The following SMAD1 variants were observed in gnomAD, a reference collection of about 807,000 sequenced individuals.
SMAD1 encodes the protein SMAD family member 1.
SMAD1 carries 6 observed loss-of-function variants against 41.6 expected under a neutral mutation model. The ratio of observed to expected loss-of-function variants is 0.14; its 90% CI spans 0.08 to 0.28. The LOEUF is 0.28. Ranked by LOEUF, SMAD1 falls within the 10% of genes least tolerant of loss-of-function variation. The pLI, the probability that SMAD1 is intolerant of heterozygous loss-of-function variation, is 1.00. For synonymous variants in SMAD1, 206 were observed against 203.2 expected (o/e 1.01, Z -0.12); for missense variants, 379 against 582.6 (o/e 0.65, Z 3.60).
intron 1 of SMAD1, among the ~76,000 whole-genome samples, chr4:145,501,162 T>C (rs1729413735): frequency 6.6e-6 from 1 of 152,250 alleles, no homozygotes; most frequent in Admixed American, 6.5e-5. Context: ...TTTCAAAATA[T>C]GTAAAATAAA....
intron 5 of SMAD1, 114 bp downstream of exon 5, chr4:145,547,038 T>G (rs1012869861): frequency 1.2e-6 from 1 of 810,232 alleles, no homozygotes; most frequent in South Asian, 1.6e-5. Context: ...CAGGTAATGT[T>G]CACTTGCTGC....
intron 5 of SMAD1, among the ~76,000 whole-genome samples, chr4:145,548,929 A>G (rs1176812738): frequency 6.6e-6 from 1 of 152,188 alleles, no homozygotes; most frequent in East Asian, 1.9e-4. Flanking sequence ...GATGGGTATC[A>G]TATACCTCCA....
chr4:145,541,574 C>A (rs1479806278), intron 3 of SMAD1, among the ~76,000 whole-genome samples: 2 of 152,192 alleles, frequency 1.3e-5, no homozygotes, highest in Non-Finnish European at 2.9e-5. Flanking sequence ...GTAGTCCCAT[C>A]TCAGTACTAT....
chr4:145,482,260 G>A lies in SMAD1; in HGVS notation c.-177+222G>A, dbSNP rs1437168731. 6.6e-6 allele frequency among the ~76,000 whole-genome samples: 1 copy of A among 151,232 alleles called. No individual in the cohort carries two copies. The highest frequency in any genetic ancestry group is 1.5e-5 in the Non-Finnish European group (1 of 67,678). On this transcript the variant is annotated intron_variant, in intron 1 of 6. Transcript: ENST00000302085. The surrounding 1 kb of genome is among the most constrained non-coding windows in gnomAD (Gnocchi z 4.2). Reference sequence around the variant, plus strand: ...CATGATGGCGCCTCCCGTCTGCTCGGAGGAGCGAACCTGCTACCACGTCTT... The same window carrying A: ...CATGATGGCGCCTCCCGTCTGCTCGAAGGAGCGAACCTGCTACCACGTCTT...
chr4:145,493,730 T>A (rs1026288706), intron 1 of SMAD1, among the ~76,000 whole-genome samples: 1 of 152,212 alleles, frequency 6.6e-6, no homozygotes, highest in Non-Finnish European at 1.5e-5. Context: ...CTGATATTAA[T>A]CAATTCAGCA....
chr4:145,536,336 A>G (rs1044988545), intron 2 of SMAD1, among the ~76,000 whole-genome samples: 2 of 152,150 alleles, frequency 1.3e-5, no homozygotes, highest in Admixed American at 6.5e-5. Flanking sequence ...ACTAAAGGGA[A>G]CCAGAGATTG....
intron 2 of SMAD1, among the ~76,000 whole-genome samples, chr4:145,519,047 A>T (rs1730577810): frequency 9.0e-5 from 7 of 78,190 alleles, no homozygotes; most frequent in African/African-American, 1.6e-4. Flanking sequence ...TCTTTTTTTT[A>T]CTGCCTATTC....
At chr4:145,511,749 A>G (rs962460472) in intron 1 of SMAD1, among the ~76,000 whole-genome samples, 1 of 152,238 alleles carries the variant, frequency 6.6e-6, no homozygotes, top group African/African-American at 2.4e-5. Flanking sequence ...TGCTGTTGCC[A>G]TGCATTTTAA....
At chr4:145,554,464 C>T (rs948045973) in intron 6 of SMAD1, among the ~76,000 whole-genome samples, 1 of 152,002 alleles carries the variant, frequency 6.6e-6, no homozygotes, top group Non-Finnish European at 1.5e-5. Flanking sequence ...CAACAGTAAG[C>T]AAGTGATCTT....
intron 5 of SMAD1, among the ~76,000 whole-genome samples, chr4:145,549,565 A>G (rs1163255198): frequency 6.6e-6 from 1 of 152,198 alleles, no homozygotes; most frequent in Non-Finnish European, 1.5e-5. Flanking sequence ...TAATGGTTAT[A>G]TGGGTGTTCT....
chr4:145,556,475 T>G (rs1046510646), intron 6 of SMAD1, among the ~76,000 whole-genome samples: 2 of 152,272 alleles, frequency 1.3e-5, no homozygotes, highest in Non-Finnish European at 2.9e-5. Context: ...TTCTTTTTTC[T>G]TAAGACAGTC....
At chr4:145,526,621 G>A (rs1337868359) in intron 2 of SMAD1, among the ~76,000 whole-genome samples, 1 of 151,284 alleles carries the variant, frequency 6.6e-6, no homozygotes, top group Non-Finnish European at 1.5e-5. Context: ...GAATAATTAA[G>A]GACAGAAGTG....
chr4:145,515,091 C>T (rs1046122873), intron 2 of SMAD1, 78 bp downstream of exon 2: 3 of 1,350,048 alleles, frequency 2.2e-6, no homozygotes, highest in African/African-American at 1.5e-5. Flanking sequence ...GAAAATAATC[C>T]CTTTGCTTGT....
At chr4:145,546,006 C>T (rs1344927167) in intron 4 of SMAD1, 1 of 152,222 alleles carries the variant, frequency 6.6e-6, no homozygotes, top group Non-Finnish European at 1.5e-5. Context: ...AGACAAAACA[C>T]ACCTGCTCTG....
At chr4:145,552,850 G>A (rs1732624957) in intron 5 of SMAD1, among the ~76,000 whole-genome samples, 1 of 151,998 alleles carries the variant, frequency 6.6e-6, no homozygotes, top group African/African-American at 2.4e-5. Context: ...TCAATGTGTG[G>A]CCAAATAGGA....
At chr4:145,521,703 A>C (rs1436696100) in intron 2 of SMAD1, among the ~76,000 whole-genome samples, 1 of 152,156 alleles carries the variant, frequency 6.6e-6, no homozygotes, top group Non-Finnish European at 1.5e-5. Context: ...TAGCCATAAA[A>C]GGGCAAAGTG....
chr4:145,506,191 T>A (rs1291235411), intron 1 of SMAD1, among the ~76,000 whole-genome samples: 1 of 152,138 alleles, frequency 6.6e-6, no homozygotes, highest in African/African-American at 2.4e-5. Flanking sequence ...AAAAAAAAAG[T>A]ATCCAGCTGT....
chr4:145,497,743 A>G (rs1320707232), intron 1 of SMAD1: 1 of 152,240 alleles, frequency 6.6e-6, no homozygotes, highest in Admixed American at 6.5e-5. Flanking sequence ...TCATGGGCAC[A>G]GGGCTCACCT....
intron 2 of SMAD1, among the ~76,000 whole-genome samples, chr4:145,536,428 C>T (rs942411955): frequency 4.6e-5 from 7 of 152,132 alleles, no homozygotes; most frequent in Non-Finnish European, 1.0e-4. Context: ...ATAATTGGAA[C>T]ATGTTACAAA....
Sources: allele counts gnomAD v4.1 joint callset (sites outside exome capture counted in the v4.1 genomes callset), GRCh38; gene constraint gnomAD v4.1.1; non-coding constraint Gnocchi (gnomAD v3.1); transcripts MANE v1.5; gene names NCBI Gene and HGNC (gene_info 2026-07-23, HGNC 2026-07-21).